RGS18: variants seen among roughly 807,000 people sequenced by gnomAD.
RGS18 encodes the protein regulator of G protein signaling 18, also known as regulator of G-protein signaling 18.
Under a neutral mutation model 27.6 loss-of-function variants are expected in RGS18, and 22 were observed. The observed-to-expected ratio is 0.80, with a 90% CI of 0.57 to 1.14. The LOEUF is 1.14. Among genes scored for constraint, RGS18 ranks in the 50% most tolerant of loss-of-function variants. The pLI is 0.00. For synonymous variants in RGS18, 89 were observed against 84.6 expected (o/e 1.05, Z -0.29); for missense variants, 299 against 269.6 (o/e 1.11, Z -0.76).
rs745767909 is a variant in RGS18, at chr1:192,184,472, C to T, written c.626C>T (p.Pro209Leu). The change falls in exon 5 of 5, where the codon CCA (proline) becomes CTA (leucine). Residue 209 changes from proline to leucine, a missense_variant. By Grantham distance (98) the Pro-to-Leu change is moderately conservative (BLOSUM62 -3). Transcript: ENST00000367460. ...LDLMEGRPQR[P>L]TNLRRRSRSF... ...TTGATGGAAGGAAGACCTCAGAGAC[C>T]AACAAATCTTAGGAGACGATCACGC... The T allele has an allele frequency of 8.5e-5, 137 of 1,611,464 alleles. 3 individuals carry two copies. The South Asian group carries it at 1.5e-3, about 17-fold the overall frequency.
intron 3 of RGS18, among the ~76,000 whole-genome samples, chr1:192,161,941 A>T (rs1359159162): frequency 6.6e-6 from 1 of 152,130 alleles, no homozygotes; most frequent in African/African-American, 2.4e-5. Flanking sequence ...GAATTTAGTG[A>T]TATAAAAATT....
intron 3 of RGS18, among the ~76,000 whole-genome samples, chr1:192,171,195 C>T (rs1262430431): frequency 3.3e-5 from 5 of 152,062 alleles, no homozygotes; most frequent in Non-Finnish European, 1.5e-5. Context: ...TTCCCTTTTA[C>T]AGTCTGAGAA....
intron 3 of RGS18, among the ~76,000 whole-genome samples, chr1:192,164,785 T>C (rs10921099): frequency 0.41 from 62,990 of 151,990 alleles, 14,446 homozygotes; most frequent in East Asian, 0.71. Context: ...TCAATACTCT[T>C]ATAATTTCCT....
chr1:192,172,864 C>CGCAT (rs1553229362), intron 3 of RGS18, among the ~76,000 whole-genome samples: 1 of 135,544 alleles, frequency 7.4e-6, no homozygotes, highest in Non-Finnish European at 1.6e-5. Context: ...GAAAAATATG[C>CGCAT]ATATATATAT....
chr1:192,164,530 A>T (rs984864574), intron 3 of RGS18, among the ~76,000 whole-genome samples: 19 of 152,306 alleles, frequency 1.2e-4, no homozygotes, highest in African/African-American at 4.6e-4. Flanking sequence ...AGTAAATATA[A>T]ACTTCAGTTC....
chr1:192,168,474 A>T (rs1308849051), intron 3 of RGS18: 1 of 152,170 alleles, frequency 6.6e-6, no homozygotes, highest in African/African-American at 2.4e-5. Flanking sequence ...GAATGTCTGT[A>T]TCAAGCACAA....
intron 3 of RGS18, among the ~76,000 whole-genome samples, chr1:192,180,998 A>G (rs1253445236): frequency 6.6e-6 from 1 of 151,600 alleles, no homozygotes; most frequent in African/African-American, 2.4e-5. Context: ...CGGATAAAAG[A>G]GACATAAAGT....
intron 3 of RGS18, among the ~76,000 whole-genome samples, chr1:192,179,711 A>G (rs1297105391): frequency 6.6e-6 from 1 of 151,558 alleles, no homozygotes; most frequent in Non-Finnish European, 1.5e-5. Flanking sequence ...ATCTAAAACA[A>G]CATATACTAC....
At chr1:192,164,065 TAAATC>T (rs893720457) in intron 3 of RGS18, among the ~76,000 whole-genome samples, 6 of 152,208 alleles carry the variant, frequency 3.9e-5, no homozygotes, top group Admixed American at 1.3e-4. Flanking sequence ...AATTAAGTGA[TAAATC>T]AAACCAGATA....
intron 4 of RGS18, among the ~76,000 whole-genome samples, chr1:192,183,479 G>T (rs1203674275): frequency 6.6e-6 from 1 of 151,506 alleles, no homozygotes; most frequent in Non-Finnish European, 1.5e-5. Flanking sequence ...AATGAGTTAT[G>T]CTTTAATTAT....
At chr1:192,178,625 T>C (rs1656398323) in intron 3 of RGS18, among the ~76,000 whole-genome samples, 1 of 151,474 alleles carries the variant, frequency 6.6e-6, no homozygotes, top group Non-Finnish European at 1.5e-5. Flanking sequence ...TTAAGTCAAT[T>C]TGGCAAAAAT....
intron 3 of RGS18, among the ~76,000 whole-genome samples, chr1:192,180,562 A>AAT (rs955353613): frequency 6.6e-6 from 1 of 151,676 alleles, no homozygotes; most frequent in African/African-American, 2.4e-5. Flanking sequence ...ATAACTTTAA[A>AAT]ATATATATGC....
chr1:192,165,941 T>C (rs1025928537), intron 3 of RGS18, among the ~76,000 whole-genome samples: 11 of 152,178 alleles, frequency 7.2e-5, no homozygotes, highest in African/African-American at 2.7e-4. Flanking sequence ...CTAAGGGCTA[T>C]TTAAATTTAA....
At chr1:192,182,299 T>A (rs1656470078) in intron 4 of RGS18, among the ~76,000 whole-genome samples, 1 of 151,608 alleles carries the variant, frequency 6.6e-6, no homozygotes, top group South Asian at 2.1e-4. Context: ...CTACCTTACA[T>A]GCCCACCAAC....
chr1:192,173,103 T>C (rs929045105), intron 3 of RGS18, among the ~76,000 whole-genome samples: 1 of 151,628 alleles, frequency 6.6e-6, no homozygotes, highest in Non-Finnish European at 1.5e-5. Flanking sequence ...CAATAGAAAT[T>C]TATTATTCTT....
In RGS18 at chr1:192,184,770, A is replaced by T. The variant is rs188151833; in HGVS notation, c.*216A>T. On this transcript the variant is annotated 3_prime_UTR_variant, in exon 5 of 5. Coordinates refer to ENST00000367460, the MANE Select transcript of RGS18 (RefSeq NM_130782.3). ...TCTATTTGATGTCATTCCATTTATA[A>T]TCAGAAAAAAAACTTATTTCTTAAT... 5.9e-3 allele frequency: 2,615 copies of T among 442,378 alleles called. 8 individuals are homozygous for T. Among genetic ancestry groups the T allele is most frequent in the Middle Eastern group, 0.011 (18 of 1,612 alleles). 27.4% of individuals were successfully genotyped at this position (442,378 alleles called of 1,614,324 possible). A position where few individuals can be genotyped will look rare whatever the true frequency, so the allele number is the denominator to read the frequency against.
intron 3 of RGS18, among the ~76,000 whole-genome samples, chr1:192,167,165 G>T (rs892293521): frequency 6.6e-6 from 1 of 152,104 alleles, no homozygotes; most frequent in African/African-American, 2.4e-5. Flanking sequence ...GTAAGTCATT[G>T]CACCTCCTGG....
At chr1:192,178,501 C>T (rs1157819946) in intron 3 of RGS18, among the ~76,000 whole-genome samples, 1 of 151,546 alleles carries the variant, frequency 6.6e-6, no homozygotes, top group Admixed American at 6.6e-5. Context: ...TAATAGGAAA[C>T]TCTGGAGTTT....
chr1:192,158,602 G>A lies in RGS18; in HGVS notation c.-36G>A, dbSNP rs1308443669. On this transcript the variant is annotated 5_prime_UTR_variant, in exon 1 of 5. It removes an upstream start codon present in the reference 5' UTR. Transcript: ENST00000367460. ...ATTAATAAATGAACTAGGGAAGGAT[G>A]TAATAAATTAGACATCTCTTCATTT... is the stretch of plus-strand genomic sequence containing the variant. The A allele has an allele frequency of 1.3e-6, 2 of 1,495,368 alleles. No individual in the cohort carries two copies. 92.6% of individuals were successfully genotyped at this position (1,495,368 alleles called of 1,614,324 possible).
Sources: gnomAD v4.1 joint callset for allele counts (sites outside exome capture counted in the v4.1 genomes callset) on GRCh38, gnomAD v4.1.1 for gene constraint, MANE v1.5 for transcripts, NCBI Gene and HGNC (gene_info 2026-07-23, HGNC 2026-07-21) for gene names.